The following LAMB4 variants were observed in gnomAD, a reference collection of about 807,000 sequenced individuals.
The protein encoded by LAMB4 is laminin subunit beta 4.
LAMB4 carries 196 observed loss-of-function variants against 199.2 expected under a neutral mutation model. The ratio of observed to expected loss-of-function variants is 0.98; its 90% CI spans 0.88 to 1.11. LAMB4 has a LOEUF of 1.11. Among genes scored for constraint, LAMB4 ranks in the 50% least tolerant of loss-of-function variants. The pLI is 0.00. For synonymous variants in LAMB4, 744 were observed against 770.6 expected, an observed-to-expected ratio of 0.97 and a Z score of 0.57; for missense variants, 2,080 against 2,171.2, an observed-to-expected ratio of 0.96 and a Z score of 0.83.
At chr7:108,056,112 C>T in intron 24 of LAMB4, 105 bp from the exon 25 acceptor site, 1 of 1,015,184 alleles carries the variant, frequency 9.9e-7, no homozygotes, top group Non-Finnish European at 1.4e-6. Flanking sequence ...TCCCAACTCA[C>T]ACTTCTAAGA....
chr7:108,105,626 C>T (rs2150654976), intron 8 of LAMB4, among the ~76,000 whole-genome samples, 191 bp downstream of exon 8: 1 of 152,324 alleles, frequency 6.6e-6, no homozygotes, highest in African/African-American at 2.4e-5. Flanking sequence ...GCAGAATCCA[C>T]AAGCACTTGT....
rs775474733 is a variant in LAMB4 at position 108,065,884 on chromosome 7, C to A, written c.2714G>T (p.Gly905Val). The A allele has an allele frequency of 6.2e-7, 1 of 1,613,908 alleles. No individual in the cohort carries two copies. Among genetic ancestry groups the A allele is most frequent in the African/African-American group, 1.3e-5 (1 of 74,914 alleles). ...IDGYYGNPSS[G>V]QPCRPCLCPD... is the part of the protein sequence containing the mutation. ...ACACAGGCAAGGACGACAGGGCTGT[C>A]CTGAAGAAGGATTTCCATAGTAACC... Residue 905 changes from glycine (G) to valine (V), a missense_variant, in exon 21 of 34, where the codon GGA becomes GTA. Coordinates refer to ENST00000388781, the MANE Select transcript of LAMB4 (RefSeq NM_007356.3).
chr7:108,085,830 G>T (rs1584717874), intron 14 of LAMB4, among the ~76,000 whole-genome samples: 1 of 152,086 alleles, frequency 6.6e-6, no homozygotes, highest in African/African-American at 2.4e-5. Flanking sequence ...AGCCAGGATG[G>T]TCTCGATCTC....
chr7:108,054,982 G>A (rs923718460), intron 25 of LAMB4, among the ~76,000 whole-genome samples: 4 of 152,134 alleles, frequency 2.6e-5, no homozygotes, highest in African/African-American at 4.8e-5. Context: ...ACTTGGGAAG[G>A]TTTGGTAAAT....
intron 14 of LAMB4, among the ~76,000 whole-genome samples, chr7:108,090,998 C>A (rs1171205990): frequency 6.6e-6 from 1 of 152,120 alleles, no homozygotes; most frequent in African/African-American, 2.4e-5. Flanking sequence ...TTCCTGGAAC[C>A]TAGAATTAGT....
intron 2 of LAMB4, among the ~76,000 whole-genome samples, chr7:108,122,786 A>T (rs996478513): frequency 5.3e-5 from 8 of 152,242 alleles, no homozygotes; most frequent in Admixed American, 4.6e-4. Context: ...CTTCTTCACA[A>T]GACCTCATTG....
intron 2 of LAMB4, among the ~76,000 whole-genome samples, chr7:108,122,618 A>T (rs909547416): frequency 6.6e-6 from 1 of 152,334 alleles, no homozygotes; most frequent in East Asian, 1.9e-4. Flanking sequence ...CCTGTTTTCG[A>T]TGTAGAAAAG....
chr7:108,086,063 G>A (rs948869078), intron 14 of LAMB4, among the ~76,000 whole-genome samples: 3 of 152,156 alleles, frequency 2.0e-5, no homozygotes, highest in Non-Finnish European at 4.4e-5. Context: ...TATGGCTCCC[G>A]ACTGACCCCT....
At chr7:108,106,238 C>T (rs1048654358) in intron 7 of LAMB4, among the ~76,000 whole-genome samples, 2 of 151,904 alleles carry the variant, frequency 1.3e-5, no homozygotes, top group African/African-American at 4.8e-5. Context: ...GGCAACATGG[C>T]GACACCCTGT....
chr7:108,101,429 GT>G (rs1257867180), intron 10 of LAMB4, among the ~76,000 whole-genome samples: 2 of 152,136 alleles, frequency 1.3e-5, no homozygotes, highest in African/African-American at 4.8e-5. Flanking sequence ...CATGGTATCC[GT>G]TGTGTCACTC....
intron 2 of LAMB4, among the ~76,000 whole-genome samples, chr7:108,117,509 C>T (rs2038447852): frequency 6.6e-6 from 1 of 152,120 alleles, no homozygotes; most frequent in Non-Finnish European, 1.5e-5. Flanking sequence ...CAAAGTTAAA[C>T]ATATATATAA....
chr7:108,102,970 C>A, intron 10 of LAMB4, 74 bp downstream of exon 10: 1 of 1,314,636 alleles, frequency 7.6e-7, no homozygotes, highest in South Asian at 1.7e-5. Context: ...AGATAAGGTG[C>A]GGGCAGCCCC....
At chr7:108,088,919 GAATCTGGGAGTAGCC>G (rs1406184899) in intron 14 of LAMB4, among the ~76,000 whole-genome samples, 2 of 152,174 alleles carry the variant, frequency 1.3e-5, no homozygotes, top group African/African-American at 4.8e-5. Flanking sequence ...CCCAGCTAAG[GAATCTGGGAGTAGCC>G]AACCTGGAGA....
At chr7:108,117,695 T>C (rs1051872137) in intron 2 of LAMB4, among the ~76,000 whole-genome samples, 5 of 152,170 alleles carry the variant, frequency 3.3e-5, no homozygotes, top group Non-Finnish European at 7.4e-5. Flanking sequence ...GGCTACTCCA[T>C]AGACAGAGCA....
chr7:108,104,290 G>A (rs2074747), intron 9 of LAMB4, among the ~76,000 whole-genome samples: 52,038 of 151,882 alleles, frequency 0.34, 9,364 homozygotes, highest in Non-Finnish European at 0.4. Flanking sequence ...CATTTTTAAA[G>A]TTAAACTTAA....
chr7:108,056,947 G>A (rs1022634699), intron 24 of LAMB4, among the ~76,000 whole-genome samples: 8 of 149,760 alleles, frequency 5.3e-5, no homozygotes, highest in Admixed American at 1.3e-4. Context: ...CTCCAGCACA[G>A]GCAACCAGAG....
chr7:108,101,853 G>T (rs1308739704), intron 10 of LAMB4, among the ~76,000 whole-genome samples: 2 of 152,176 alleles, frequency 1.3e-5, no homozygotes, highest in Non-Finnish European at 2.9e-5. Flanking sequence ...TCCCAGTCCT[G>T]CAGGAAAATG....
intron 10 of LAMB4, among the ~76,000 whole-genome samples, chr7:108,101,011 C>T (rs1308748653): frequency 6.6e-6 from 1 of 152,154 alleles, no homozygotes; most frequent in Non-Finnish European, 1.5e-5. Flanking sequence ...AAATCTAGGA[C>T]ATTGAATCTA....
Position 108,103,119 on chromosome 7 carries a change from G to GC in LAMB4, c.1104dup (p.Gln369AlafsTer28). On this transcript the variant is annotated frameshift_variant, in exon 10 of 34. Transcript: ENST00000388781. LOFTEE classifies it high-confidence loss of function. ...AGGGGTCTGCAGCGGTCGCAGTGCTGCCCCTCAGTGTTGTGCTGGCAGTCT... is the reference window on the plus strand; with the variant it reads ...AGGGGTCTGCAGCGGTCGCAGTGCTGCCCCCTCAGTGTTGTGCTGGCAGTCT... 1 of 1,613,762 alleles carries GC rather than the reference G, an allele frequency of 6.2e-7. No homozygotes were observed. The highest frequency in any genetic ancestry group is 8.5e-7 in the Non-Finnish European group (1 of 1,179,816).
Sources: allele counts gnomAD v4.1 joint callset (sites outside exome capture counted in the v4.1 genomes callset), GRCh38; gene constraint gnomAD v4.1.1; transcripts MANE v1.5; gene names NCBI Gene and HGNC (gene_info 2026-07-23, HGNC 2026-07-21).